RNF180: variants seen among roughly 807,000 people sequenced by gnomAD.
RNF180 encodes the protein E3 ubiquitin-protein ligase RNF180.
In RNF180, 38 loss-of-function variants were observed where a neutral mutation model predicts 59.2. The ratio of observed to expected loss-of-function variants is 0.64; its 90% CI spans 0.50 to 0.84. The LOEUF (loss-of-function observed/expected upper bound fraction) is 0.84. Among genes scored for constraint, RNF180 ranks in the 40% least tolerant of loss-of-function variants. The pLI is 0.00. For synonymous variants in RNF180, 262 were observed against 240.3 expected, an observed-to-expected ratio of 1.09 and a Z score of -0.84; for missense variants, 705 against 700.9, an observed-to-expected ratio of 1.01 and a Z score of -0.07.
chr5:64,351,346 C>T (rs911767431), intron 7 of RNF180, among the ~76,000 whole-genome samples: 36 of 152,256 alleles, frequency 2.4e-4, no homozygotes, highest in Middle Eastern at 3.4e-3. Flanking sequence ...ATGTCATCTG[C>T]AAACAGGGAC....
intron 5 of RNF180, among the ~76,000 whole-genome samples, chr5:64,283,606 TA>T (rs2112397575): frequency 6.6e-6 from 1 of 152,242 alleles, no homozygotes; most frequent in East Asian, 1.9e-4. Flanking sequence ...GTTCTCATGA[TA>T]TGAAGGAGTT....
intron 1 of RNF180, among the ~76,000 whole-genome samples, chr5:64,185,395 T>TAATTATGATGTA (rs1750819638): frequency 6.6e-6 from 1 of 152,202 alleles, no homozygotes; most frequent in South Asian, 2.1e-4. Context: ...TTTCTTTATG[T>TAATTATGATGTA]AATTATGAGT....
chr5:64,214,614 G>A (rs924689200), intron 4 of RNF180, 97 bp downstream of exon 4: 2 of 1,107,012 alleles, frequency 1.8e-6, no homozygotes, highest in Non-Finnish European at 2.6e-6. Flanking sequence ...ATAAAAACTT[G>A]GTTTTAGTAA....
chr5:64,364,092 G>T (rs1442969577), intron 7 of RNF180, among the ~76,000 whole-genome samples: 1 of 151,736 alleles, frequency 6.6e-6, no homozygotes, highest in Non-Finnish European at 1.5e-5. Flanking sequence ...TCTCTTGCCT[G>T]ATTGCTCTGT....
intron 5 of RNF180, among the ~76,000 whole-genome samples, chr5:64,229,832 G>A (rs2112192138): frequency 6.6e-6 from 1 of 152,296 alleles, no homozygotes; most frequent in African/African-American, 2.4e-5. Flanking sequence ...GTGAAATGAT[G>A]TTAGCTAGTA....
chr5:64,346,232 C>T (rs988158751), intron 7 of RNF180, among the ~76,000 whole-genome samples: 1 of 150,618 alleles, frequency 6.6e-6, no homozygotes, highest in Admixed American at 6.6e-5. Flanking sequence ...GTCCTCAACT[C>T]ACATTGGCAG....
chr5:64,299,241 G>C (rs180936469), intron 5 of RNF180, among the ~76,000 whole-genome samples: 170 of 151,964 alleles, frequency 1.1e-3, no homozygotes, highest in Non-Finnish European at 2.1e-3. Flanking sequence ...ATAAATTTCT[G>C]TTGTTTATAA....
At chr5:64,364,880 T>A (rs1245797317) in intron 7 of RNF180, among the ~76,000 whole-genome samples, 1 of 151,748 alleles carries the variant, frequency 6.6e-6, no homozygotes, top group Non-Finnish European at 1.5e-5. Flanking sequence ...TATTCTCTAA[T>A]GGTTACTTGT....
At chr5:64,307,678 C>T (rs1374333383) in intron 5 of RNF180, among the ~76,000 whole-genome samples, 1 of 151,666 alleles carries the variant, frequency 6.6e-6, no homozygotes, top group Admixed American at 6.6e-5. Flanking sequence ...GCCTAGTCTA[C>T]CTTAAACGTG....
rs994796510 is a variant in RNF180 at position 64,264,289 on chromosome 5, A to G, written c.1227+46893A>G. Among the ~76,000 whole-genome samples, 28 of 152,074 alleles carry G rather than the reference A, an allele frequency of 1.8e-4. No homozygotes were observed. In the South Asian group the frequency reaches 1.9e-3, roughly 10 times the overall value. ...GCAAGTTTGTTACATAGGTATACAT[A>G]TGCCATGGTGGTATTCTGCACCCAT... On this transcript the variant is annotated intron_variant, in intron 5 of 7. Transcript: ENST00000389100.
chr5:64,332,260 A>G (rs1451344763), intron 7 of RNF180, among the ~76,000 whole-genome samples: 1 of 152,186 alleles, frequency 6.6e-6, no homozygotes, highest in East Asian at 1.9e-4. Context: ...TCCTGTGACA[A>G]TAGTTAACAA....
chr5:64,211,152 T>C (rs886878963), intron 2 of RNF180, among the ~76,000 whole-genome samples: 1 of 152,146 alleles, frequency 6.6e-6, no homozygotes, highest in African/African-American at 2.4e-5. Context: ...TTCATTGGTA[T>C]GCAGGACCTA....
chr5:64,336,401 C>T (rs1221336549), intron 7 of RNF180, among the ~76,000 whole-genome samples: 1 of 152,142 alleles, frequency 6.6e-6, no homozygotes. Flanking sequence ...TATTCACTTT[C>T]TAGAATACTT....
intron 5 of RNF180, among the ~76,000 whole-genome samples, chr5:64,237,394 A>T (rs1742507764): frequency 1.3e-5 from 2 of 151,594 alleles, no homozygotes; most frequent in Non-Finnish European, 2.9e-5. Context: ...AATTTCTCCC[A>T]TTTGGAATGG....
chr5:64,257,804 C>G (rs1171098436), intron 5 of RNF180, among the ~76,000 whole-genome samples: 1 of 152,060 alleles, frequency 6.6e-6, no homozygotes, highest in Non-Finnish European at 1.5e-5. Context: ...GACTTTAACA[C>G]CCCACAGTCA....
At chr5:64,241,037 G>C (rs1742777672) in intron 5 of RNF180, among the ~76,000 whole-genome samples, 1 of 152,144 alleles carries the variant, frequency 6.6e-6, no homozygotes, top group Non-Finnish European at 1.5e-5. Flanking sequence ...TTGAATGAAT[G>C]ACATTTTATT....
intron 5 of RNF180, among the ~76,000 whole-genome samples, chr5:64,315,176 T>C (rs1436141875): frequency 6.6e-6 from 1 of 152,194 alleles, no homozygotes; most frequent in Non-Finnish European, 1.5e-5. Flanking sequence ...TCATCACCAG[T>C]CACTTAACAA....
At chr5:64,314,578 G>A (rs1053570637) in intron 5 of RNF180, among the ~76,000 whole-genome samples, 3 of 151,700 alleles carry the variant, frequency 2.0e-5, no homozygotes, top group African/African-American at 7.3e-5. Flanking sequence ...AGAGCCCAGC[G>A]AACTTTTGTC....
intron 7 of RNF180, among the ~76,000 whole-genome samples, chr5:64,338,387 C>T (rs1248350869): frequency 2.0e-5 from 3 of 152,154 alleles, no homozygotes; most frequent in Non-Finnish European, 4.4e-5. Context: ...GTAATCCCAA[C>T]ACTTTGGGAG....
Sources: gnomAD v4.1 joint callset for allele counts (sites outside exome capture counted in the v4.1 genomes callset) on GRCh38, gnomAD v4.1.1 for gene constraint, MANE v1.5 for transcripts, NCBI Gene and HGNC (gene_info 2026-07-23, HGNC 2026-07-21) for gene names.